DMRT1: variants seen among roughly 807,000 people sequenced by gnomAD.
DMRT1 encodes the protein doublesex- and mab-3-related transcription factor 1.
DMRT1 carries 7 observed loss-of-function variants against 32.3 expected under a neutral mutation model. The observed-to-expected ratio is 0.22, with a 90% CI of 0.12 to 0.41. DMRT1 has a LOEUF of 0.41. DMRT1 is among the 10% of genes least tolerant of loss of function. The probability of loss-of-function intolerance (pLI) is 1.00; values close to 1 mark genes in which losing one functional copy is unlikely to be tolerated. For synonymous variants in DMRT1, 278 were observed against 206.1 expected, an observed-to-expected ratio of 1.35 and a Z score of -2.99; for missense variants, 625 against 500.5, an observed-to-expected ratio of 1.25 and a Z score of -2.37.
intron 4 of DMRT1, among the ~76,000 whole-genome samples, chr9:946,672 C>T (rs1236755338): frequency 6.6e-6 from 1 of 152,176 alleles, no homozygotes; most frequent in African/African-American, 2.4e-5. Context: ...GTTACTTTCT[C>T]ATTACTAGGC....
intron 4 of DMRT1, among the ~76,000 whole-genome samples, chr9:949,989 C>T (rs1026989281): frequency 1.3e-5 from 2 of 152,176 alleles, no homozygotes; most frequent in African/African-American, 4.8e-5. Flanking sequence ...TCCATGCATT[C>T]CTTGGGTACT....
intron 3 of DMRT1, among the ~76,000 whole-genome samples, chr9:908,203 A>G (rs1033312789): frequency 6.6e-5 from 10 of 152,060 alleles, no homozygotes; most frequent in African/African-American, 2.2e-4. Context: ...CTGTAATCCT[A>G]GCTCTTGGAG....
At chr9:860,383 A>G (rs1049181251) in intron 2 of DMRT1, among the ~76,000 whole-genome samples, 2 of 143,468 alleles carry the variant, frequency 1.4e-5, no homozygotes, top group Non-Finnish European at 3.2e-5. Context: ...TCAAATGGCA[A>G]TAAATGTTTG....
At chr9:845,127 A>G (rs1217951795) in intron 1 of DMRT1, among the ~76,000 whole-genome samples, 1 of 152,220 alleles carries the variant, frequency 6.6e-6, no homozygotes, top group Non-Finnish European at 1.5e-5. Flanking sequence ...ACCATACCTT[A>G]GTTTCAACAG....
chr9:929,132 C>T (rs1366690413), intron 4 of DMRT1, among the ~76,000 whole-genome samples: 4 of 152,156 alleles, frequency 2.6e-5, no homozygotes, highest in Non-Finnish European at 5.9e-5. Flanking sequence ...AGCCACCACT[C>T]CCGGCTTAAA....
intron 4 of DMRT1, among the ~76,000 whole-genome samples, chr9:955,543 A>G (rs866707963): frequency 2.6e-4 from 39 of 152,164 alleles, no homozygotes; most frequent in Non-Finnish European, 3.8e-4. Context: ...TGCCTCTACT[A>G]AAAATGCAAG....
At chr9:843,553 A>G (rs1219084219) in intron 1 of DMRT1, among the ~76,000 whole-genome samples, 4 of 152,288 alleles carry the variant, frequency 2.6e-5, no homozygotes, top group Admixed American at 6.5e-5. Flanking sequence ...TGTTTTTTTG[A>G]AGGTTCGTAA....
intron 3 of DMRT1, among the ~76,000 whole-genome samples, chr9:909,102 A>G (rs1817882157): frequency 6.6e-6 from 1 of 152,086 alleles, no homozygotes; most frequent in South Asian, 2.1e-4. Flanking sequence ...GGCATTCCAT[A>G]GCAGGACCAC....
chr9:956,571 A>C (rs573393453), intron 4 of DMRT1, among the ~76,000 whole-genome samples: 91 of 125,822 alleles, frequency 7.2e-4, no homozygotes, highest in South Asian at 6.6e-3. Context: ...CTCAAAAAAA[A>C]AAAAAACAAA....
chr9:856,054 T>A (rs1004049861), intron 2 of DMRT1, among the ~76,000 whole-genome samples: 6 of 152,066 alleles, frequency 3.9e-5, no homozygotes, highest in African/African-American at 1.4e-4. Flanking sequence ...GCAGCTGGGA[T>A]TACAGGCGCC....
At chr9:942,759 G>A (rs10977668) in intron 4 of DMRT1, among the ~76,000 whole-genome samples, 11,186 of 152,086 alleles carry the variant, frequency 0.074, 1,134 homozygotes, top group African/African-American at 0.23. Context: ...GCAACATCAT[G>A]AGTTTATTTG....
chr9:954,433 G>A (rs967752288), intron 4 of DMRT1, among the ~76,000 whole-genome samples: 1 of 151,994 alleles, frequency 6.6e-6, no homozygotes, highest in Non-Finnish European at 1.5e-5. Flanking sequence ...GGAGGGATGT[G>A]GCAGAGTTCA....
intron 2 of DMRT1, among the ~76,000 whole-genome samples, chr9:883,417 G>T (rs910047014): frequency 6.6e-6 from 1 of 151,990 alleles, no homozygotes; most frequent in Non-Finnish European, 1.5e-5. Flanking sequence ...TCTCCCCTCA[G>T]TGAGGAGCAT....
intron 4 of DMRT1, among the ~76,000 whole-genome samples, chr9:956,793 T>G (rs1819616558): frequency 6.6e-6 from 1 of 152,170 alleles, no homozygotes. Context: ...GTTCAGAGCC[T>G]CGCTCTCTTG....
intron 4 of DMRT1, among the ~76,000 whole-genome samples, chr9:945,717 G>C (rs544845021): frequency 2.8e-5 from 4 of 144,800 alleles, no homozygotes; most frequent in Admixed American, 2.1e-4. Context: ...CTGATGAGTT[G>C]CTTTTTTAAA....
At chr9:967,894 C>T (rs1452484394) in intron 4 of DMRT1, 91 bp from the exon 5 acceptor site, 2 of 1,236,572 alleles carry the variant, frequency 1.6e-6, no homozygotes. Flanking sequence ...TTTGTTGTAA[C>T]CTAATTGAAT....
At chr9:893,529 A>G (rs917025760) in intron 2 of DMRT1, among the ~76,000 whole-genome samples, 1 of 152,236 alleles carries the variant, frequency 6.6e-6, no homozygotes, top group African/African-American at 2.4e-5. Flanking sequence ...TGACTTTCTA[A>G]CCTATCTATG....
chr9:937,466 GT>G (rs762097177), intron 4 of DMRT1, among the ~76,000 whole-genome samples: 1 of 152,240 alleles, frequency 6.6e-6, no homozygotes, highest in Non-Finnish European at 1.5e-5. Context: ...CCAGTCAGCA[GT>G]GCATGATGGT....
chr9:883,820 T>C (rs1816825420), intron 2 of DMRT1, among the ~76,000 whole-genome samples: 1 of 151,822 alleles, frequency 6.6e-6, no homozygotes, highest in African/African-American at 2.4e-5. Context: ...GGAAAACAAC[T>C]TACGCTTTTG....
Sources: gnomAD v4.1 joint callset for allele counts (sites outside exome capture counted in the v4.1 genomes callset) on GRCh38, gnomAD v4.1.1 for gene constraint, MANE v1.5 for transcripts, NCBI Gene and HGNC (gene_info 2026-07-23, HGNC 2026-07-21) for gene names.